PTPRD: variants seen among roughly 807,000 people sequenced by gnomAD.
PTPRD encodes receptor-type tyrosine-protein phosphatase delta.
A neutral mutation model predicts 214.5 loss-of-function variants in PTPRD; 34 were observed. The observed-to-expected ratio is 0.16, with a 90% CI of 0.12 to 0.21. The LOEUF is 0.21. Among genes scored for constraint, PTPRD ranks in the 10% least tolerant of loss-of-function variants. PTPRD has a pLI of 1.00. For missense variants in PTPRD, 2,545 were observed against 2,398.7 expected, an observed-to-expected ratio of 1.06 and a Z score of -1.27; for synonymous variants, 1,128 against 845.7, an observed-to-expected ratio of 1.33 and a Z score of -5.79.
At chr9:10,153,452 T>G (rs1392373822) in intron 3 of PTPRD, among the ~76,000 whole-genome samples, 1 of 151,098 alleles carries the variant, frequency 6.6e-6, no homozygotes, top group East Asian at 1.9e-4. Flanking sequence ...TCCAGACATT[T>G]ACACTTTGGG....
intron 7 of PTPRD, among the ~76,000 whole-genome samples, chr9:9,670,466 C>A (rs1467662606): frequency 1.3e-5 from 2 of 152,142 alleles, no homozygotes; most frequent in East Asian, 3.9e-4. Context: ...CAGAAATTCA[C>A]ACAAGTAACA....
intron 7 of PTPRD, among the ~76,000 whole-genome samples, chr9:9,624,557 G>T (rs1037936392): frequency 6.6e-6 from 1 of 152,076 alleles, no homozygotes; most frequent in Non-Finnish European, 1.5e-5. Context: ...CAAGGTGCTA[G>T]GATTACAGGT....
intron 5 of PTPRD, among the ~76,000 whole-genome samples, chr9:9,855,594 G>C (rs897889685): frequency 2.0e-5 from 3 of 152,298 alleles, no homozygotes; most frequent in African/African-American, 7.2e-5. Flanking sequence ...ATTTGACGGA[G>C]GGAGCGCACA....
intron 10 of PTPRD, among the ~76,000 whole-genome samples, chr9:9,179,608 G>T (rs777139308): frequency 4.6e-5 from 7 of 152,090 alleles, no homozygotes; most frequent in Non-Finnish European, 1.0e-4. Context: ...TTTAGACATT[G>T]TGGGAAATGT....
chr9:8,828,482 C>A (rs1419711597), intron 11 of PTPRD, among the ~76,000 whole-genome samples: 1 of 152,198 alleles, frequency 6.6e-6, no homozygotes, highest in African/African-American at 2.4e-5. Flanking sequence ...TGATCTTGGA[C>A]TTCTGGCCTC....
At chr9:9,005,767 T>A (rs947525911) in intron 11 of PTPRD, among the ~76,000 whole-genome samples, 1 of 152,014 alleles carries the variant, frequency 6.6e-6, no homozygotes, top group African/African-American at 2.4e-5. Context: ...CCTTTTTCTT[T>A]TCAGACGAGG....
chr9:8,795,933 T>C (rs151065471), intron 11 of PTPRD, among the ~76,000 whole-genome samples: 12 of 152,286 alleles, frequency 7.9e-5, no homozygotes, highest in Admixed American at 3.9e-4. Context: ...AAAAGGCACT[T>C]TTTACCTTGT....
intron 11 of PTPRD, among the ~76,000 whole-genome samples, chr9:8,844,976 T>A (rs1298418816): frequency 6.6e-6 from 1 of 152,134 alleles, no homozygotes; most frequent in African/African-American, 2.4e-5. Flanking sequence ...ATCTTAAAAA[T>A]CCAGATCTCT....
chr9:8,835,140 T>C (rs1205497471), intron 11 of PTPRD, among the ~76,000 whole-genome samples: 1 of 152,164 alleles, frequency 6.6e-6, no homozygotes, highest in Non-Finnish European at 1.5e-5. Flanking sequence ...AAGCAAAGCA[T>C]GGGGTGGACG....
At chr9:9,177,350 C>CA (rs2099925529) in intron 10 of PTPRD, among the ~76,000 whole-genome samples, 1 of 152,052 alleles carries the variant, frequency 6.6e-6, no homozygotes, top group South Asian at 2.1e-4. Context: ...ATGGGGATTG[C>CA]AATTCCAGAT....
chr9:9,635,187 A>G (rs2095719824), intron 7 of PTPRD, among the ~76,000 whole-genome samples: 1 of 152,150 alleles, frequency 6.6e-6, no homozygotes, highest in Non-Finnish European at 1.5e-5. Flanking sequence ...CCTTTTTAAG[A>G]TATAAGATCA....
intron 8 of PTPRD, among the ~76,000 whole-genome samples, chr9:9,458,260 G>C (rs546224330): frequency 2.0e-5 from 3 of 151,960 alleles, no homozygotes; most frequent in Non-Finnish European, 2.9e-5. Context: ...GTGTACAATG[G>C]AAAATATATT....
chr9:10,358,035 G>C (rs1597984770), intron 2 of PTPRD, among the ~76,000 whole-genome samples: 4 of 152,058 alleles, frequency 2.6e-5, no homozygotes, highest in African/African-American at 9.7e-5. Context: ...CTCAATACTT[G>C]GATGAGACAA....
chr9:10,141,567 G>A (rs187900676), intron 3 of PTPRD, among the ~76,000 whole-genome samples: 2,814 of 152,070 alleles, frequency 0.019, 38 homozygotes, highest in African/African-American at 0.043. Context: ...CCTCTCCAAG[G>A]AGAACTACAA....
rs188758349 is a variant in PTPRD at position 9,452,344 on chromosome 9, A to C, written c.-236-54862T>G. 3.1e-4 allele frequency among the ~76,000 whole-genome samples: 47 copies of C among 151,650 alleles called. No individual in the cohort carries two copies. In the East Asian group the frequency reaches 6.8e-3, roughly 22 times the overall value. The stretch of plus-strand genomic sequence containing the variant: ...TTTAAAACTGAGAACAAAGTAGTAG[A>C]GTTTACTACCAATCATTTCTCACTA... On this transcript the variant is annotated intron_variant, in intron 8 of 45. Coordinates refer to ENST00000381196, the MANE Select transcript of PTPRD (RefSeq NM_002839.4).
chr9:9,574,582 T>G (rs1435761741), intron 8 of PTPRD, 150 bp downstream of exon 8: 1 of 151,984 alleles, frequency 6.6e-6, no homozygotes, highest in East Asian at 1.9e-4. Flanking sequence ...CATAAACATT[T>G]TGATAGAAAA....
intron 5 of PTPRD, among the ~76,000 whole-genome samples, chr9:9,843,557 T>G (rs1422975384): frequency 6.6e-6 from 1 of 151,912 alleles, no homozygotes; most frequent in Non-Finnish European, 1.5e-5. Context: ...ATTTGCAAAA[T>G]GAGCCCTCAG....
At chr9:9,436,055 T>A (rs1025888420) in intron 8 of PTPRD, among the ~76,000 whole-genome samples, 1 of 152,168 alleles carries the variant, frequency 6.6e-6, no homozygotes, top group Non-Finnish European at 1.5e-5. Context: ...GACTTCCTGA[T>A]CCTTCCAACA....
intron 2 of PTPRD, among the ~76,000 whole-genome samples, chr9:10,505,370 G>A (rs1330848744): frequency 6.6e-6 from 1 of 152,132 alleles, no homozygotes; most frequent in African/African-American, 2.4e-5. Context: ...TGAAAGAGCT[G>A]CATAAAACAA....
Sources: gnomAD v4.1 joint callset for allele counts (sites outside exome capture counted in the v4.1 genomes callset) on GRCh38, gnomAD v4.1.1 for gene constraint, MANE v1.5 for transcripts, NCBI Gene and HGNC (gene_info 2026-07-23, HGNC 2026-07-21) for gene names.